CHD9: variants seen among roughly 807,000 people sequenced by gnomAD.
The protein encoded by CHD9 is chromodomain helicase DNA binding protein 9, also known as ATP-dependent chromatin remodeler CHD9.
In CHD9, 77 loss-of-function variants were observed where a neutral mutation model predicts 316.1. The observed-to-expected ratio is 0.24, with a 90% CI of 0.20 to 0.29. The LOEUF (loss-of-function observed/expected upper bound fraction) is 0.29, where lower values mean the gene tolerates loss of function less well. CHD9 is among the 10% of genes least tolerant of loss of function. CHD9 has a pLI of 1.00. For missense variants in CHD9, 2,763 were observed against 3,438.1 expected, an observed-to-expected ratio of 0.80 and a Z score of 4.91; for synonymous variants, 1,129 against 1,158.3, an observed-to-expected ratio of 0.97 and a Z score of 0.51.
intron 1 of CHD9, among the ~76,000 whole-genome samples, chr16:53,134,132 T>C (rs1156421332): frequency 2.0e-5 from 3 of 152,184 alleles, no homozygotes; most frequent in Non-Finnish European, 4.4e-5. Flanking sequence ...CTGGGGAAAT[T>C]TCATCGGGTA....
intron 2 of CHD9, among the ~76,000 whole-genome samples, chr16:53,200,402 A>T: frequency 6.7e-6 from 1 of 149,790 alleles, no homozygotes; most frequent in East Asian, 2.0e-4. Context: ...CACAAAAATT[A>T]GCCAGGCATG....
intron 1 of CHD9, among the ~76,000 whole-genome samples, chr16:53,132,307 T>C (rs1232985041): frequency 2.6e-5 from 4 of 152,318 alleles, no homozygotes; most frequent in Admixed American, 2.0e-4. Flanking sequence ...ATAAAGTTTA[T>C]TTTCATTAAT....
chr16:53,299,649 T>C (rs973433986), intron 30 of CHD9: 1 of 361,100 alleles, frequency 2.8e-6, no homozygotes, highest in Non-Finnish European at 5.3e-6. Context: ...GAGTGACATT[T>C]CAAAGAAGAT....
At chr16:53,151,218 C>T (rs1196167907) in intron 1 of CHD9, among the ~76,000 whole-genome samples, 6 of 129,774 alleles carry the variant, frequency 4.6e-5, no homozygotes, top group Non-Finnish European at 9.9e-5. Flanking sequence ...CCCCTCCCCC[C>T]CTCCCCTCCC....
intron 3 of CHD9, among the ~76,000 whole-genome samples, chr16:53,215,985 T>G (rs2046728612): frequency 6.6e-6 from 1 of 152,326 alleles, no homozygotes; most frequent in South Asian, 2.1e-4. Flanking sequence ...TTAGGTTTTT[T>G]CCTTGCCTGA....
rs146594067 is a variant in CHD9, at chr16:53,228,885, GT to G, written c.2169-96del. ...AAATGATGAACTACCTATTTGAAAA[GT>G]TGAAGACAATAGTTTATATTGGATG... is the stretch of plus-strand genomic sequence containing the variant. On this transcript the variant is annotated intron_variant, in intron 7 of 38. Transcript: ENST00000447540. 617 of 561,434 alleles carry G rather than the reference GT, an allele frequency of 1.1e-3. 6 individuals carry two copies. Among genetic ancestry groups the G allele is most frequent in the African/African-American group, 0.01 (534 of 53,210 alleles). 34.8% of individuals were successfully genotyped at this position (561,434 alleles called of 1,614,324 possible).
intron 24 of CHD9, among the ~76,000 whole-genome samples, chr16:53,278,228 C>T (rs1212487184): frequency 2.0e-5 from 3 of 151,996 alleles, no homozygotes; most frequent in East Asian, 1.9e-4. Context: ...AAAATACCAC[C>T]ATCATTCTTC....
At chr16:53,111,628 G>A (rs1353163170) in intron 1 of CHD9, among the ~76,000 whole-genome samples, 2 of 152,166 alleles carry the variant, frequency 1.3e-5, no homozygotes, top group Non-Finnish European at 2.9e-5. Flanking sequence ...CGAATACCAT[G>A]GGAAGATTCT....
intron 1 of CHD9, among the ~76,000 whole-genome samples, chr16:53,139,259 A>T (rs1252100314): frequency 6.6e-6 from 1 of 152,194 alleles, no homozygotes; most frequent in Non-Finnish European, 1.5e-5. Flanking sequence ...GAGAACATAA[A>T]ATAACTACAG....
chr16:53,146,943 C>A (rs917295694), intron 1 of CHD9, among the ~76,000 whole-genome samples: 1 of 151,302 alleles, frequency 6.6e-6, no homozygotes, highest in Non-Finnish European at 1.5e-5. Context: ...TTTTTTAAAC[C>A]CAGTTTCTGC....
chr16:53,147,056 T>A lies in CHD9; in HGVS notation c.-164-8870T>A, dbSNP rs1438183250. 2.0e-5 allele frequency among the ~76,000 whole-genome samples: 3 copies of A among 152,208 alleles called. No individual in the cohort carries two copies. The East Asian group carries it at 5.8e-4, about 29-fold the overall frequency. On this transcript the variant is annotated intron_variant, in intron 1 of 38. Transcript: ENST00000447540. Reference sequence around the variant, plus strand: ...GCTACTATTTAGTAGATACTAAGGATACATTACATAAAAATTACTGACTTA... The same window carrying A: ...GCTACTATTTAGTAGATACTAAGGAAACATTACATAAAAATTACTGACTTA...
At chr16:53,230,270 G>T (rs747952655) in intron 8 of CHD9, among the ~76,000 whole-genome samples, 2 of 152,128 alleles carry the variant, frequency 1.3e-5, no homozygotes, top group Non-Finnish European at 2.9e-5. Flanking sequence ...GGTGGTATCT[G>T]CCAGATGTCT....
intron 2 of CHD9, among the ~76,000 whole-genome samples, chr16:53,194,617 T>C (rs1407900290): frequency 6.6e-6 from 1 of 152,078 alleles, no homozygotes; most frequent in Non-Finnish European, 1.5e-5. Flanking sequence ...CATTTGAAAA[T>C]TGAAAATGTA....
intron 2 of CHD9, among the ~76,000 whole-genome samples, chr16:53,199,089 G>C (rs937951448): frequency 2.0e-5 from 3 of 151,384 alleles, no homozygotes; most frequent in Admixed American, 6.6e-5. Flanking sequence ...TCCCAAGACT[G>C]TCCTCACTTC....
Position 53,307,818 on chromosome 16 carries a change from A to C in CHD9, c.6918A>C (p.Ala2306=). 6.2e-7 allele frequency: 1 copy of C among 1,613,776 alleles called. No homozygotes were observed. Among genetic ancestry groups the C allele is most frequent in the Non-Finnish European group, 8.5e-7 (1 of 1,179,816 alleles). Reference sequence around the variant, plus strand: ...CAAAACTGCTGGACAGCCCTGGAGCAGCTACAGAATACAGCGATCCCAGTG... The same window carrying C: ...CAAAACTGCTGGACAGCCCTGGAGCCGCTACAGAATACAGCGATCCCAGTG... The part of the protein sequence containing the change: ...YTTKLLDSPG[A]ATEYSDPSVP... The change falls in exon 33 of 39, where the codon GCA becomes GCC. Residue 2306 remains alanine (A), a synonymous_variant. Transcript: ENST00000447540.
chr16:53,058,284 C>A (rs1466514673), intron 1 of CHD9, among the ~76,000 whole-genome samples: 2 of 152,086 alleles, frequency 1.3e-5, no homozygotes, highest in African/African-American at 2.4e-5. Context: ...CCACGCCCAG[C>A]TAATTTTTGT....
intron 5 of CHD9, 90 bp downstream of exon 5, chr16:53,226,602 T>C: frequency 2.1e-6 from 3 of 1,397,118 alleles, no homozygotes; most frequent in Non-Finnish European, 2.9e-6. Context: ...TAAAAATTGC[T>C]CTAACTTATC....
intron 29 of CHD9, 106 bp downstream of exon 29, chr16:53,293,158 T>C: frequency 2.0e-6 from 2 of 1,010,144 alleles, no homozygotes; most frequent in Non-Finnish European, 2.9e-6. Flanking sequence ...ATACATAGAA[T>C]GTTGGTCAAA....
intron 37 of CHD9, 78 bp downstream of exon 37, chr16:53,318,418 G>A (rs1484737033): frequency 4.5e-6 from 5 of 1,112,152 alleles, no homozygotes; most frequent in Non-Finnish European, 3.7e-6. Context: ...TTCATTATGT[G>A]GTGGTGTTTT....
Sources: gnomAD v4.1 joint callset for allele counts (sites outside exome capture counted in the v4.1 genomes callset) on GRCh38, gnomAD v4.1.1 for gene constraint, MANE v1.5 for transcripts, NCBI Gene and HGNC (gene_info 2026-07-23, HGNC 2026-07-21) for gene names.